Variants in PAQR3 observed in about 807,000 individuals in gnomAD.
PAQR3 encodes the protein progestin and adipoQ receptor family member 3.
PAQR3 carries 39 observed loss-of-function variants against 41.7 expected under a neutral mutation model. The observed-to-expected ratio is 0.93, with a 90% CI of 0.72 to 1.22. The LOEUF (loss-of-function observed/expected upper bound fraction) is 1.22. PAQR3 is among the 50% of genes most tolerant of loss of function. The pLI is 0.00. For missense variants in PAQR3, 366 were observed against 385.6 expected (o/e 0.95, Z 0.42); for synonymous variants, 140 against 140.6 (o/e 1.00, Z 0.03).
downstream of PAQR3, chr4:78,911,384 A>G (rs989736761): frequency 3.1e-6 from 5 of 1,614,006 alleles, no homozygotes; most frequent in Admixed American, 1.7e-5. Context: ...TCAACAAGTA[A>G]AAGTGAAAGC....
chr4:78,921,440 C>T (rs1735647110), intron 5 of PAQR3, among the ~76,000 whole-genome samples: 1 of 151,764 alleles, frequency 6.6e-6, no homozygotes, highest in Non-Finnish European at 1.5e-5. Flanking sequence ...TTTTTTCTTA[C>T]CAATCAGTAC....
At chr4:78,928,808 T>C (rs1325654977) in intron 3 of PAQR3, among the ~76,000 whole-genome samples, 3 of 152,238 alleles carry the variant, frequency 2.0e-5, no homozygotes, top group Admixed American at 2.0e-4. Flanking sequence ...TTGTAATATA[T>C]AATAATTATA....
At chr4:78,894,761 C>G (rs1019859360) in intron 11 of PAQR3, among the ~76,000 whole-genome samples, 1 of 152,180 alleles carries the variant, frequency 6.6e-6, no homozygotes, top group Non-Finnish European at 1.5e-5. Context: ...AGCTTTTGAC[C>G]TATCTCAGCT....
At position 78,918,416 on chromosome 4, in the gene PAQR3, G is replaced by T; in HGVS notation, c.*2123C>A. 5 of 976,652 alleles carry T rather than the reference G, an allele frequency of 5.1e-6. No homozygotes were observed. Among genetic ancestry groups the T allele is most frequent in the Non-Finnish European group, 6.1e-6 (5 of 821,722 alleles). 60.5% of individuals were successfully genotyped at this position (976,652 alleles called of 1,614,324 possible). On this transcript the variant is annotated 3_prime_UTR_variant, in exon 6 of 6. Coordinates refer to ENST00000512733, the MANE Select transcript of PAQR3 (RefSeq NM_001040202.2). ...TGACTGACATACAGAAGTGTTTCTA[G>T]TTAACAGCAATCCATATTCATTCAT...
chr4:78,914,640 A>G lies in PAQR3; in HGVS notation c.*5899T>C, dbSNP rs908573946. 3 of 151,766 alleles carry G rather than the reference A, an allele frequency of 2.0e-5. No homozygotes were observed. Among genetic ancestry groups the G allele is most frequent in the Admixed American group, 1.3e-4 (2 of 15,202 alleles). The allele number at this position is 151,766 out of a possible 1,614,324, so 9.4% of individuals were successfully genotyped here. A position where few individuals can be genotyped will look rare whatever the true frequency, so the allele number is the denominator to read the frequency against. ...AGTACCTGGCACACAGCACTCAATA[A>G]AAGTTTGGCTCTATTATGGGATGGT... On this transcript the variant is annotated 3_prime_UTR_variant, in exon 6 of 6. Coordinates refer to ENST00000512733, the MANE Select transcript of PAQR3 (RefSeq NM_001040202.2).
intron 2 of PAQR3, among the ~76,000 whole-genome samples, chr4:78,932,227 TA>T (rs1648260402): frequency 6.6e-6 from 1 of 152,202 alleles, no homozygotes; most frequent in Non-Finnish European, 1.5e-5. Context: ...AAATCCTTAA[TA>T]GTCTATAGCT....
Position 78,919,638 on chromosome 4 carries a change from A to G in PAQR3, c.*901T>C. The stretch of plus-strand genomic sequence containing the variant: ...GCCATCTAGATTCTATGGCCTTGCA[A>G]GTAGCACCCACAATGCTGGGAACCC... On this transcript the variant is annotated 3_prime_UTR_variant, in exon 6 of 6. Coordinates refer to ENST00000512733, the MANE Select transcript of PAQR3 (RefSeq NM_001040202.2). The G allele has an allele frequency of 1.0e-6, 1 of 985,112 alleles. No individual in the cohort carries two copies. Among genetic ancestry groups the G allele is most frequent in the Non-Finnish European group, 1.2e-6 (1 of 829,776 alleles). 61.0% of individuals were successfully genotyped at this position (985,112 alleles called of 1,614,324 possible).
Position 78,897,673 on chromosome 4 carries a change from C to A in PAQR3, c.*836+8435G>T, listed in dbSNP as rs147884135. On this transcript the variant is annotated intron_variant and NMD_transcript_variant, in intron 11 of 12. Transcript: ENST00000342820. ...TAGCATTTTTTATAGCGCTAAGTATCCTACCATGTACAGATAATTTGTTTT... is the reference window on the plus strand; with the variant it reads ...TAGCATTTTTTATAGCGCTAAGTATACTACCATGTACAGATAATTTGTTTT... Among the ~76,000 whole-genome samples the A allele has an allele frequency of 5.1e-3, 776 of 152,182 alleles. 8 individuals carry two copies. Among genetic ancestry groups the A allele is most frequent in the African/African-American group, 0.018 (740 of 41,524 alleles).
chr4:78,893,610 T>C (rs912187252), intron 11 of PAQR3, among the ~76,000 whole-genome samples: 36 of 152,194 alleles, frequency 2.4e-4, no homozygotes, highest in African/African-American at 8.4e-4. Context: ...TCTTCCAGGC[T>C]GGAATGGAGT....
At chr4:78,902,660 C>A (rs1002178735) in intron 11 of PAQR3, among the ~76,000 whole-genome samples, 3 of 152,128 alleles carry the variant, frequency 2.0e-5, no homozygotes, top group Middle Eastern at 3.4e-3. Context: ...AAAAGAACAT[C>A]AAAACAAAAT....
intron 5 of PAQR3, chr4:78,922,415 A>G (rs2110136529): frequency 2.3e-6 from 3 of 1,288,916 alleles, no homozygotes; most frequent in African/African-American, 1.5e-5. Flanking sequence ...TCACCGTGGA[A>G]GTGATTCTTA....
intron 11 of PAQR3, among the ~76,000 whole-genome samples, chr4:78,890,401 T>C (rs936773499): frequency 7.5e-6 from 1 of 132,486 alleles, no homozygotes; most frequent in Non-Finnish European, 1.5e-5. Flanking sequence ...TACACAATCA[T>C]GCGCACACAC....
intron 5 of PAQR3, among the ~76,000 whole-genome samples, chr4:78,923,277 C>A (rs1735846012): frequency 6.6e-6 from 1 of 151,960 alleles, no homozygotes; most frequent in Admixed American, 6.6e-5. Flanking sequence ...TTTTTATAGA[C>A]CCCTTCGATG....
chr4:78,929,951 A>G (rs1444478224), intron 3 of PAQR3, among the ~76,000 whole-genome samples: 1 of 152,232 alleles, frequency 6.6e-6, no homozygotes, highest in East Asian at 1.9e-4. Context: ...ATAACTGTAT[A>G]TATATTTTCC....
chr4:78,904,007 A>T (rs540567415), intron 11 of PAQR3, among the ~76,000 whole-genome samples: 34 of 152,100 alleles, frequency 2.2e-4, no homozygotes, highest in African/African-American at 7.0e-4. Flanking sequence ...GTATAAAAAG[A>T]TGTTGGACTA....
intron 11 of PAQR3, among the ~76,000 whole-genome samples, chr4:78,904,612 G>T (rs2110100030): frequency 1.3e-5 from 2 of 151,866 alleles, no homozygotes; most frequent in East Asian, 3.8e-4. Flanking sequence ...ATGAATTTTG[G>T]CAGTTTCCAG....
Position 78,915,368 on chromosome 4 carries a change from G to C in PAQR3, c.*5171C>G, listed in dbSNP as rs551624258. On this transcript the variant is annotated 3_prime_UTR_variant, in exon 6 of 6. Coordinates refer to ENST00000512733, the MANE Select transcript of PAQR3 (RefSeq NM_001040202.2). ...TTTTAGGTTTTGGTACTTCACGTAA[G>C]CACTGTTAGAAGGTACAAGTGTATT... 1 of 152,090 alleles carries C rather than the reference G, an allele frequency of 6.6e-6. No homozygotes were observed. The highest frequency in any genetic ancestry group is 2.4e-5 in the African/African-American group (1 of 41,546). 9.4% of individuals were successfully genotyped at this position (152,090 alleles called of 1,614,324 possible).
chr4:78,926,111 A>C (rs1736190846), intron 4 of PAQR3, among the ~76,000 whole-genome samples: 1 of 152,030 alleles, frequency 6.6e-6, no homozygotes, highest in South Asian at 2.1e-4. Context: ...CCAACAAAAA[A>C]AATCCTTCCC....
At chr4:78,887,218 C>T in exon 13 of PAQR3, 1 of 1,611,944 alleles carries the variant, frequency 6.2e-7, no homozygotes, top group Non-Finnish European at 8.5e-7. Context: ...TGTAGACTCA[C>T]TTTCTGCTCC....
Sources: gnomAD v4.1 joint callset for allele counts (sites outside exome capture counted in the v4.1 genomes callset) on GRCh38, gnomAD v4.1.1 for gene constraint, MANE v1.5 for transcripts, NCBI Gene and HGNC (gene_info 2026-07-23, HGNC 2026-07-21) for gene names.